RIMS2: variants seen among roughly 807,000 people sequenced by gnomAD.
RIMS2 encodes regulating synaptic membrane exocytosis 2.
In RIMS2, 59 loss-of-function variants were observed where a neutral mutation model predicts 174.4. That is an observed-to-expected ratio of 0.34 (90% CI 0.27 to 0.42). The LOEUF is 0.42. Ranked by LOEUF, RIMS2 falls within the 10% of genes least tolerant of loss-of-function variation. The pLI, the probability that RIMS2 is intolerant of heterozygous loss-of-function variation, is 1.00. For missense variants in RIMS2, 1,620 were observed against 1,666.3 expected (o/e 0.97, Z 0.48); for synonymous variants, 606 against 572.5 (o/e 1.06, Z -0.84).
chr8:103,975,922 T>TC (rs2093377619), intron 16 of RIMS2: 1 of 154,004 alleles, frequency 6.5e-6, no homozygotes, highest in African/African-American at 2.4e-5. Context: ...AGCAAGGTTA[T>TC]CCCACCTTCT....
intron 2 of RIMS2, among the ~76,000 whole-genome samples, chr8:103,739,581 G>A (rs1480488073): frequency 6.6e-6 from 1 of 152,068 alleles, no homozygotes; most frequent in Non-Finnish European, 1.5e-5. Flanking sequence ...AATTGTGTCA[G>A]GCATATCACT....
intron 1 of RIMS2, among the ~76,000 whole-genome samples, chr8:103,627,517 T>A (rs2095815050): frequency 6.6e-6 from 1 of 152,234 alleles, no homozygotes; most frequent in Non-Finnish European, 1.5e-5. Context: ...TAAATGTCCA[T>A]GAAATCTTCA....
intron 3 of RIMS2, among the ~76,000 whole-genome samples, chr8:103,811,114 G>A (rs2098684640): frequency 6.6e-6 from 1 of 152,100 alleles, no homozygotes; most frequent in East Asian, 1.9e-4. Context: ...TTATATTGTG[G>A]CTGTTGGTGA....
At chr8:103,863,913 T>C (rs2099072102) in intron 3 of RIMS2, among the ~76,000 whole-genome samples, 1 of 150,322 alleles carries the variant, frequency 6.7e-6, no homozygotes, top group Non-Finnish European at 1.5e-5. Context: ...TTTTTGTTTG[T>C]TTGTTTGTTT....
chr8:103,660,465 G>C (rs903540517), intron 1 of RIMS2, among the ~76,000 whole-genome samples: 4 of 152,210 alleles, frequency 2.6e-5, no homozygotes, highest in Admixed American at 1.3e-4. Flanking sequence ...ACAGGGCAAG[G>C]AGCCAAGGAC....
At chr8:104,000,561 A>G (rs559828868) in intron 17 of RIMS2, among the ~76,000 whole-genome samples, 14 of 151,708 alleles carry the variant, frequency 9.2e-5, no homozygotes, top group African/African-American at 3.1e-4. Context: ...TTCCTTTCTC[A>G]TGAATATATA....
At chr8:103,988,463 C>CT (rs1343007743) in intron 16 of RIMS2, among the ~76,000 whole-genome samples, 3 of 151,816 alleles carry the variant, frequency 2.0e-5, no homozygotes, top group African/African-American at 7.3e-5. Context: ...ACTTAGGTAG[C>CT]TTTTTTATTT....
intron 19 of RIMS2, among the ~76,000 whole-genome samples, chr8:104,123,772 C>T (rs989363634): frequency 1.6e-4 from 25 of 151,830 alleles, no homozygotes; most frequent in African/African-American, 5.3e-4. Flanking sequence ...GTTTAAAATG[C>T]ACTATAATAT....
At chr8:104,090,860 A>G (rs1208392617) in intron 19 of RIMS2, among the ~76,000 whole-genome samples, 1 of 151,846 alleles carries the variant, frequency 6.6e-6, no homozygotes, top group Non-Finnish European at 1.5e-5. Flanking sequence ...GTAGCTTAGA[A>G]TAGTCTTAAT....
chr8:104,207,820 A>G (rs1338875672), intron 19 of RIMS2, among the ~76,000 whole-genome samples: 1 of 149,404 alleles, frequency 6.7e-6, no homozygotes, highest in African/African-American at 2.4e-5. Flanking sequence ...TCTCAAAAAA[A>G]TATATATATA....
chr8:103,869,824 T>A (rs570980275), intron 3 of RIMS2, among the ~76,000 whole-genome samples: 2 of 152,214 alleles, frequency 1.3e-5, no homozygotes, highest in Middle Eastern at 3.4e-3. Context: ...AGTTTGAGGA[T>A]CTTAATTTTA....
At chr8:103,658,980 C>A (rs183251832) in intron 1 of RIMS2, among the ~76,000 whole-genome samples, 2 of 152,294 alleles carry the variant, frequency 1.3e-5, no homozygotes, top group Admixed American at 1.3e-4. Flanking sequence ...AAGGAGAGAG[C>A]AGATGGGTCC....
chr8:104,186,674 C>T (rs546925224), intron 19 of RIMS2, among the ~76,000 whole-genome samples: 4 of 151,786 alleles, frequency 2.6e-5, no homozygotes, highest in South Asian at 2.1e-4. Flanking sequence ...TAATGCCTTC[C>T]GCTAATTAAA....
chr8:103,851,325 C>G (rs2098996663), intron 3 of RIMS2, among the ~76,000 whole-genome samples: 1 of 150,866 alleles, frequency 6.6e-6, no homozygotes, highest in Non-Finnish European at 1.5e-5. Context: ...ATATGTTTTG[C>G]TAGTTATGTA....
In RIMS2 at chr8:103,916,492, C is replaced by A. The variant is rs776001520; in HGVS notation, c.1991C>A (p.Ser664Tyr). The A allele has an allele frequency of 3.1e-6, 5 of 1,611,610 alleles. No homozygotes were observed. In the African/African-American group the frequency reaches 5.3e-5, roughly 17 times the overall value. The change falls in exon 8 of 24, where the codon TCC (serine) becomes TAC (tyrosine). Residue 664 changes from serine (S) to tyrosine (Y), a missense_variant. Physicochemically the swap from Ser to Tyr is moderately radical, Grantham distance 144 (BLOSUM62 -2). This residue lies in a region of RIMS2 where 1,395 missense variants were observed against 1,360.1 expected (regional missense o/e 1.03). Coordinates refer to ENST00000504942, the Ensembl canonical transcript of RIMS2. ...GAAGTGTACAACATCATTCTAGAAT[C>A]CAAACCTGAACCACAAGTAGAACTT...
At chr8:103,957,179 G>T (rs2087637846) in intron 14 of RIMS2, among the ~76,000 whole-genome samples, 1 of 152,130 alleles carries the variant, frequency 6.6e-6, no homozygotes, top group African/African-American at 2.4e-5. Flanking sequence ...AACCATTGTG[G>T]AAGACAGTGT....
intron 19 of RIMS2, among the ~76,000 whole-genome samples, chr8:104,228,921 G>A (rs547342579): frequency 1.6e-4 from 24 of 152,278 alleles, no homozygotes; most frequent in Non-Finnish European, 1.5e-4. Flanking sequence ...ATTAAGAAAA[G>A]TAAATTGAGT....
chr8:104,161,174 CATTAAT>C lies in RIMS2; in HGVS notation c.3335-83737_3335-83732del, dbSNP rs1235186246. ...TTGTTAACATAAGTTTAGCTGTTATCATTAATATTATTATTATATTGTCATTAATGT... is the reference window on the plus strand; with the variant it reads ...TTGTTAACATAAGTTTAGCTGTTATCATTATTATTATATTGTCATTAATGT... On this transcript the variant is annotated intron_variant, in intron 19 of 23. Coordinates refer to ENST00000504942, the Ensembl canonical transcript of RIMS2. Among the ~76,000 whole-genome samples, 5 of 152,054 alleles carry C rather than the reference CATTAAT, an allele frequency of 3.3e-5. 1 individual carries two copies. The highest frequency in any genetic ancestry group is 1.2e-4 in the African/African-American group (5 of 41,390).
chr8:103,701,744 G>A (rs2097170348), intron 2 of RIMS2, among the ~76,000 whole-genome samples: 1 of 151,900 alleles, frequency 6.6e-6, no homozygotes, highest in African/African-American at 2.4e-5. Context: ...TTCCATCCAT[G>A]TCACTGCAAA....
Sources: gnomAD v4.1 joint callset for allele counts (sites outside exome capture counted in the v4.1 genomes callset) on GRCh38, gnomAD v4.1.1 for gene constraint, gnomAD v4.1.1 regional missense constraint, MANE v1.5 for transcripts, NCBI Gene and HGNC (gene_info 2026-07-23, HGNC 2026-07-21) for gene names.